Variants in USP13 observed in about 807,000 individuals in gnomAD.
USP13 encodes ubiquitin specific peptidase 13.
Under a neutral mutation model 107.8 loss-of-function variants are expected in USP13, and 68 were observed. That is an observed-to-expected ratio of 0.63 (90% CI 0.52 to 0.77). USP13 has a LOEUF of 0.77. USP13 is among the 30% of genes least tolerant of loss of function. USP13 has a pLI of 0.00. For synonymous variants in USP13, 377 were observed against 389.5 expected (o/e 0.97, Z 0.38); for missense variants, 945 against 1,093.3 (o/e 0.86, Z 1.91).
chr3:179,731,484 G>T (rs1227851854), intron 10 of USP13, among the ~76,000 whole-genome samples: 1 of 152,118 alleles, frequency 6.6e-6, no homozygotes, highest in Non-Finnish European at 1.5e-5. Context: ...TCAGGGGAGG[G>T]CTTGGCATTC....
chr3:179,740,462 C>T (rs1021480603), intron 11 of USP13, 90 bp downstream of exon 11: 1 of 1,546,666 alleles, frequency 6.5e-7, no homozygotes, highest in African/African-American at 1.4e-5. Flanking sequence ...ATCAGAATGC[C>T]TCCCCACTCT....
intron 8 of USP13, among the ~76,000 whole-genome samples, chr3:179,723,702 C>T (rs1008160455): frequency 9.2e-5 from 14 of 152,172 alleles, no homozygotes; most frequent in African/African-American, 3.4e-4. Flanking sequence ...TATATGAGAA[C>T]ATGAGCAATG....
intron 5 of USP13, among the ~76,000 whole-genome samples, chr3:179,707,366 G>A (rs1011814037): frequency 3.9e-5 from 6 of 152,006 alleles, no homozygotes; most frequent in Non-Finnish European, 5.9e-5. Context: ...GCCAGTGCAC[G>A]GGACAGTCAG....
chr3:179,743,924 G>GT (rs1714298696), intron 12 of USP13, among the ~76,000 whole-genome samples: 1 of 83,936 alleles, frequency 1.2e-5, no homozygotes, highest in Admixed American at 1.8e-4. Context: ...GATAAATAAG[G>GT]AGTTTTTTTT....
At chr3:179,688,865 G>T (rs993794024) in intron 2 of USP13, among the ~76,000 whole-genome samples, 1 of 152,202 alleles carries the variant, frequency 6.6e-6, no homozygotes, top group Admixed American at 6.5e-5. Flanking sequence ...GAAGAAAGAG[G>T]CTCTGAGATA....
In USP13 at chr3:179,721,725, A is replaced by G. The variant is rs1713327187; in HGVS notation, c.1088+136A>G. On this transcript the variant is annotated intron_variant, in intron 8 of 20. Coordinates refer to ENST00000263966, the MANE Select transcript of USP13 (RefSeq NM_003940.3). This position sits in a 1 kb window ranked among gnomAD's most constrained non-coding sequence, Gnocchi z 4.3. ...CCACCTTTTCTCTGGCCTGCCTTCTACAGAGACTGGGTGAGAACACTTGTC... is the reference window on the plus strand; with the variant it reads ...CCACCTTTTCTCTGGCCTGCCTTCTGCAGAGACTGGGTGAGAACACTTGTC... 2.2e-6 allele frequency: 2 copies of G among 908,638 alleles called. No homozygotes were observed. The highest frequency in any genetic ancestry group is 2.7e-5 in the East Asian group (1 of 37,600). The allele number at this position is 908,638 out of a possible 1,614,324, so 56.3% of individuals were successfully genotyped here. A position where few individuals can be genotyped will look rare whatever the true frequency, so the allele number is the denominator to read the frequency against.
chr3:179,686,091 C>A (rs1370189813), intron 2 of USP13, among the ~76,000 whole-genome samples: 1 of 152,152 alleles, frequency 6.6e-6, no homozygotes, highest in Admixed American at 6.5e-5. Context: ...TCTTCCATTG[C>A]GCCCTCTCCC....
At chr3:179,672,997 C>T (rs1264671776) in intron 1 of USP13, among the ~76,000 whole-genome samples, 1 of 152,082 alleles carries the variant, frequency 6.6e-6, no homozygotes. Context: ...GAGAAGGCAG[C>T]CACTTTCCTG....
chr3:179,653,582 G>C lies in USP13; in HGVS notation c.168+189G>C, dbSNP rs959871645. 3 of 808,340 alleles carry C rather than the reference G, an allele frequency of 3.7e-6. No individual in the cohort carries two copies. The highest frequency in any genetic ancestry group is 5.5e-6 in the Non-Finnish European group (3 of 543,614). The allele number at this position is 808,340 out of a possible 1,614,324, so 50.1% of individuals were successfully genotyped here. A position where few individuals can be genotyped will look rare whatever the true frequency, so the allele number is the denominator to read the frequency against. On this transcript the variant is annotated intron_variant, in intron 1 of 20. Coordinates refer to ENST00000263966, the MANE Select transcript of USP13 (RefSeq NM_003940.3). The surrounding 1 kb of genome is among the most constrained non-coding windows in gnomAD (Gnocchi z 4.0). ...GGCTGCTGCAGCCGAGGACTGGCTC[G>C]TGCTGGTGGTTTTGCTCCGCCAGCC...
chr3:179,702,729 C>T (rs1445617785), intron 4 of USP13, among the ~76,000 whole-genome samples: 2 of 152,102 alleles, frequency 1.3e-5, no homozygotes, highest in African/African-American at 2.4e-5. Context: ...ATTAAATTAC[C>T]TTTGCTTTCT....
intron 15 of USP13, among the ~76,000 whole-genome samples, chr3:179,756,182 G>A (rs543470768): frequency 1.3e-5 from 2 of 152,106 alleles, no homozygotes; most frequent in Admixed American, 1.3e-4. Context: ...CCCAGCACTT[G>A]GGGAGGCCAA....
At chr3:179,706,368 T>C (rs763914275) in intron 4 of USP13, among the ~76,000 whole-genome samples, 5 of 152,172 alleles carry the variant, frequency 3.3e-5, no homozygotes, top group Non-Finnish European at 5.9e-5. Flanking sequence ...GCCGAGCAGT[T>C]CATCACAGAT....
chr3:179,783,232 A>G (rs1023077340), intron 20 of USP13, among the ~76,000 whole-genome samples: 2 of 152,190 alleles, frequency 1.3e-5, no homozygotes, highest in African/African-American at 4.8e-5. Flanking sequence ...TACAAAGAAT[A>G]TGTACCCTGG....
rs933656294 is a variant in USP13, at chr3:179,722,284, G to A, written c.1088+695G>A. 2.6e-5 allele frequency among the ~76,000 whole-genome samples: 4 copies of A among 152,250 alleles called. No homozygotes were observed. In the South Asian group the frequency reaches 8.3e-4, roughly 32 times the overall value. On this transcript the variant is annotated intron_variant, in intron 8 of 20. Transcript: ENST00000263966. ...CTCTTGTGGGGGACTGGAATTTCCT[G>A]AAGGATTTAGGGCTTTCATTTTTTG...
At chr3:179,716,658 T>C (rs1279430476) in intron 6 of USP13, among the ~76,000 whole-genome samples, 1 of 152,216 alleles carries the variant, frequency 6.6e-6, no homozygotes, top group Admixed American at 6.5e-5. Context: ...TTAGAAAACA[T>C]TTTTTCCATC....
At chr3:179,682,078 G>A (rs1309626190) in intron 2 of USP13, 75 bp downstream of exon 2, 1 of 1,507,090 alleles carries the variant, frequency 6.6e-7, no homozygotes, top group Non-Finnish European at 8.9e-7. Context: ...TTCTCACGTG[G>A]AAATTTGACC....
chr3:179,685,509 T>C (rs1711837021), intron 2 of USP13, among the ~76,000 whole-genome samples: 1 of 152,102 alleles, frequency 6.6e-6, no homozygotes, highest in Non-Finnish European at 1.5e-5. Flanking sequence ...AATGATCAGG[T>C]TCAAAATAAT....
chr3:179,755,398 A>C (rs1714755007), intron 15 of USP13, among the ~76,000 whole-genome samples: 2 of 152,012 alleles, frequency 1.3e-5, no homozygotes, highest in South Asian at 4.2e-4. Flanking sequence ...GGGTTCAAGC[A>C]ATTCTCCTGC....
rs777996600 is a variant in USP13, at chr3:179,701,149, TGCTA to T, written c.477+26_477+29del. On this transcript the variant is annotated intron_variant, in intron 4 of 20. Coordinates refer to ENST00000263966, the MANE Select transcript of USP13 (RefSeq NM_003940.3). ...GCCCTGGTCAGTGAGTGTGCACGGCTGCTAGCTAGATGCGCATGGCTCTGTGTCA... is the reference window on the plus strand; with the variant it reads ...GCCCTGGTCAGTGAGTGTGCACGGCTGCTAGATGCGCATGGCTCTGTGTCA... 25 of 1,555,964 alleles carry T rather than the reference TGCTA, an allele frequency of 1.6e-5. No homozygotes were observed. Among genetic ancestry groups the T allele is most frequent in the Non-Finnish European group, 2.1e-5 (24 of 1,147,338 alleles).
Sources: allele counts gnomAD v4.1 joint callset (sites outside exome capture counted in the v4.1 genomes callset), GRCh38; gene constraint gnomAD v4.1.1; non-coding constraint Gnocchi (gnomAD v3.1); transcripts MANE v1.5; gene names NCBI Gene and HGNC (gene_info 2026-07-23, HGNC 2026-07-21).